PARVB: variants seen among roughly 807,000 people sequenced by gnomAD.
PARVB encodes the protein parvin beta, also known as beta-parvin.
In PARVB, 46 loss-of-function variants were observed where a neutral mutation model predicts 47.0. The observed-to-expected ratio is 0.98, with a 90% CI of 0.77 to 1.25. The LOEUF (loss-of-function observed/expected upper bound fraction) is 1.25, where lower values mean the gene tolerates loss of function less well. PARVB is among the 50% of genes most tolerant of loss of function. The pLI is 0.00. For synonymous variants in PARVB, 196 were observed against 196.3 expected, an observed-to-expected ratio of 1.00 and a Z score of 0.01; for missense variants, 473 against 471.6, an observed-to-expected ratio of 1.00 and a Z score of -0.03.
In PARVB at chr22:44,158,028, A is replaced by G. The variant is rs1351598977; in HGVS notation, c.890A>G (p.Asp297Gly). ...GTTCTGCTCATGGGCCTTCTGGAAG[A>G]CTACTTTGTTCCTCTCCACCACTTC... ...YLVLLMGLLE[D>G]YFVPLHHFYL... Residue 297 changes from aspartate to glycine, a missense_variant, in exon 11 of 13, where the codon GAC (aspartate) becomes GGC (glycine). Physicochemically the swap from Asp to Gly is moderately conservative, Grantham distance 94. Transcript: ENST00000338758. 3 of 1,614,060 alleles carry G rather than the reference A, an allele frequency of 1.9e-6. No individual in the cohort carries two copies. The highest frequency in any genetic ancestry group is 1.1e-5 in the South Asian group (1 of 91,078).
chr22:44,013,312 CT>C (rs2050542854), intron 2 of PARVB, among the ~76,000 whole-genome samples: 2 of 152,214 alleles, frequency 1.3e-5, no homozygotes, highest in South Asian at 4.1e-4. Flanking sequence ...CACGTATTGA[CT>C]TTCTTTTCCC....
intron 12 of PARVB, 103 bp from the exon 13 acceptor site, chr22:44,168,499 G>A (rs2054222330): frequency 3.8e-6 from 3 of 782,136 alleles, no homozygotes; most frequent in Non-Finnish European, 6.9e-6. Flanking sequence ...GCTGTGTGTG[G>A]ATGCGGCAGC....
intron 1 of PARVB, among the ~76,000 whole-genome samples, chr22:44,079,787 G>A (rs992351760): frequency 2.0e-5 from 3 of 152,190 alleles, no homozygotes; most frequent in Admixed American, 6.5e-5. Flanking sequence ...AATTAGCCGG[G>A]CATGGTGGTG....
chr22:44,001,206 C>T lies in PARVB; in HGVS notation c.211+1533C>T, dbSNP rs374446734. Among the ~76,000 whole-genome samples, 119 of 152,302 alleles carry T rather than the reference C, an allele frequency of 7.8e-4. No homozygotes were observed. The East Asian group carries it at 9.1e-3, about 12-fold the overall frequency. On this transcript the variant is annotated intron_variant, in intron 2 of 13. Transcript: ENST00000406477. ...CGGAGCTTGCAGTGAGCCGAGATCA[C>T]GCCACTGCACTCCAGCCTGGGTGAC...
chr22:44,133,282 A>C (rs2053370290), intron 6 of PARVB, among the ~76,000 whole-genome samples: 1 of 152,178 alleles, frequency 6.6e-6, no homozygotes. Flanking sequence ...TTTCTCTCCA[A>C]AGCCAACTGG....
intron 1 of PARVB, among the ~76,000 whole-genome samples, chr22:44,091,052 G>T (rs2099504090): frequency 1.3e-5 from 2 of 152,148 alleles, no homozygotes; most frequent in African/African-American, 4.8e-5. Flanking sequence ...TTTTAGAGAG[G>T]TGGGGCAGAG....
In PARVB at chr22:44,135,448, C is replaced by T. The variant is rs544403070; in HGVS notation, c.634-1012C>T. Among the ~76,000 whole-genome samples, 847 of 152,116 alleles carry T rather than the reference C, an allele frequency of 5.6e-3. 6 individuals are homozygous for T. Among genetic ancestry groups the T allele is most frequent in the African/African-American group, 0.019 (789 of 41,512 alleles). On this transcript the variant is annotated intron_variant, in intron 6 of 12. Transcript: ENST00000338758. ...TAATTTTTGTATTTTTAGCAGAGAC[C>T]GGGTTTCACCATGTTGGCCAGAATG... is the stretch of plus-strand genomic sequence containing the variant.
chr22:44,157,339 A>G (rs1436760927), intron 10 of PARVB, among the ~76,000 whole-genome samples: 1 of 152,144 alleles, frequency 6.6e-6, no homozygotes, highest in Non-Finnish European at 1.5e-5. Flanking sequence ...GAATGATGGG[A>G]GTCACTACTA....
chr22:44,170,536 T>G lies in PARVB; in HGVS notation c.*1858T>G, dbSNP rs1300541535. ...AGCCCTGAGAGCATCTCCCTTAGAG[T>G]ATCCTATAAAAGGAGTCGCTGCTCA... On this transcript the variant is annotated 3_prime_UTR_variant, in exon 13 of 13. Transcript: ENST00000338758. 1 of 152,138 alleles carries G rather than the reference T, an allele frequency of 6.6e-6. No homozygotes were observed. The highest frequency in any genetic ancestry group is 2.4e-5 in the African/African-American group (1 of 41,432). 9.4% of individuals were successfully genotyped at this position (152,138 alleles called of 1,614,324 possible).
rs145738521 is a variant in PARVB, at chr22:44,039,433, T to A, written c.112+14982T>A. Among the ~76,000 whole-genome samples, 981 of 151,598 alleles carry A rather than the reference T, an allele frequency of 6.5e-3. 12 individuals are homozygous for A. Among genetic ancestry groups the A allele is most frequent in the African/African-American group, 0.023 (941 of 41,310 alleles). ...GTGCATGCCTGTAATCCCAGCTACT[T>A]GGGAGGCTGAGGCAGGAGAATCACT... On this transcript the variant is annotated intron_variant, in intron 1 of 12. Transcript: ENST00000338758.
chr22:44,058,282 G>A (rs944771209), intron 1 of PARVB, among the ~76,000 whole-genome samples: 2 of 152,016 alleles, frequency 1.3e-5, no homozygotes, highest in African/African-American at 4.8e-5. Context: ...TGGCTTCTGG[G>A]GACGGTGGGC....
intron 10 of PARVB, among the ~76,000 whole-genome samples, chr22:44,157,715 C>T (rs2053965294): frequency 6.6e-6 from 1 of 151,994 alleles, no homozygotes. Flanking sequence ...CCTGTCTCTA[C>T]AAAAAATACA....
chr22:44,043,657 G>A (rs140246543), intron 1 of PARVB, among the ~76,000 whole-genome samples: 9 of 152,296 alleles, frequency 5.9e-5, no homozygotes, highest in African/African-American at 2.2e-4. Flanking sequence ...GATTACAGGC[G>A]TAAGCCACTG....
At chr22:44,041,269 A>C (rs1334440444) in intron 1 of PARVB, among the ~76,000 whole-genome samples, 1 of 151,910 alleles carries the variant, frequency 6.6e-6, no homozygotes, top group Admixed American at 6.6e-5. Context: ...AGGCGGGTGG[A>C]TCACTTGAGG....
chr22:44,160,136 C>G (rs2054020831), intron 11 of PARVB, among the ~76,000 whole-genome samples: 1 of 152,194 alleles, frequency 6.6e-6, no homozygotes, highest in Non-Finnish European at 1.5e-5. Flanking sequence ...ACTGTTTGAG[C>G]CTTACCCTGC....
chr22:44,116,435 G>A (rs570687384), intron 3 of PARVB, among the ~76,000 whole-genome samples: 12 of 152,320 alleles, frequency 7.9e-5, no homozygotes, highest in Middle Eastern at 6.8e-3. Context: ...AACTGTGGGC[G>A]TCCGTGTGTC....
intron 2 of PARVB, among the ~76,000 whole-genome samples, chr22:44,007,276 G>A (rs867860255): frequency 6.6e-6 from 1 of 151,990 alleles, no homozygotes; most frequent in African/African-American, 2.4e-5. Flanking sequence ...TGGGAGGAAG[G>A]TGGGCTGGGG....
intron 3 of PARVB, chr22:44,105,588 T>A (rs2052548886): frequency 6.6e-6 from 1 of 152,238 alleles, no homozygotes; most frequent in South Asian, 2.1e-4. Context: ...TTGGTCTTTC[T>A]CCTCCCCTAG....
intron 2 of PARVB, among the ~76,000 whole-genome samples, chr22:44,096,026 C>G (rs1569109053): frequency 6.6e-6 from 1 of 152,112 alleles, no homozygotes; most frequent in Non-Finnish European, 1.5e-5. Context: ...GAGTTCGAAA[C>G]CAGCCTGGCC....
Sources: gnomAD v4.1 joint callset for allele counts (sites outside exome capture counted in the v4.1 genomes callset) on GRCh38, gnomAD v4.1.1 for gene constraint, MANE v1.5 for transcripts, NCBI Gene and HGNC (gene_info 2026-07-23, HGNC 2026-07-21) for gene names.